Variants in PPP1R12B observed in about 807,000 individuals in gnomAD.
The protein encoded by PPP1R12B is protein phosphatase 1 regulatory subunit 12B.
PPP1R12B carries 76 observed loss-of-function variants against 126.1 expected under a neutral mutation model. That is an observed-to-expected ratio of 0.60 (90% CI 0.50 to 0.73). The LOEUF (loss-of-function observed/expected upper bound fraction) is 0.73, where lower values mean the gene tolerates loss of function less well. PPP1R12B is among the 30% of genes least tolerant of loss of function. The pLI is 0.00. For synonymous variants in PPP1R12B, 356 were observed against 434.7 expected, an observed-to-expected ratio of 0.82 and a Z score of 2.25; for missense variants, 1,052 against 1,205.1, an observed-to-expected ratio of 0.87 and a Z score of 1.88.
At chr1:202,440,545 T>G (rs1270466192) in intron 10 of PPP1R12B, among the ~76,000 whole-genome samples, 161 bp from the exon 11 acceptor site, 4 of 152,232 alleles carry the variant, frequency 2.6e-5, no homozygotes, top group African/African-American at 9.6e-5. Flanking sequence ...GGAATAAGCT[T>G]TTGAAAGCTA....
chr1:202,435,563 C>T (rs895895008), intron 9 of PPP1R12B, among the ~76,000 whole-genome samples: 9 of 152,202 alleles, frequency 5.9e-5, no homozygotes, highest in Non-Finnish European at 1.3e-4. Context: ...AGAGGCCCCT[C>T]CTTCTGTAAC....
intron 1 of PPP1R12B, among the ~76,000 whole-genome samples, chr1:202,410,499 A>G (rs1667247093): frequency 6.6e-6 from 1 of 152,224 alleles, no homozygotes; most frequent in Non-Finnish European, 1.5e-5. Context: ...GAAAGCTGGC[A>G]CTTGCTGGTG....
intron 15 of PPP1R12B, among the ~76,000 whole-genome samples, chr1:202,494,466 G>T (rs1364833871): frequency 6.6e-6 from 1 of 151,524 alleles, no homozygotes; most frequent in African/African-American, 2.4e-5. Context: ...TCACAAAAAT[G>T]TGTACAATCT....
Position 202,562,843 on chromosome 1 carries a change from C to T in PPP1R12B, c.2573C>T (p.Ala858Val). The T allele has an allele frequency of 6.2e-7, 1 of 1,613,434 alleles. No homozygotes were observed. Among genetic ancestry groups the T allele is most frequent in the Non-Finnish European group, 8.5e-7 (1 of 1,179,722 alleles). ...TACGGTGACCGGGCTTCAGCAAGAGCCCGTCGGGAGGCCCGGGAGGCCCGC... is the reference window on the plus strand; with the variant it reads ...TACGGTGACCGGGCTTCAGCAAGAGTCCGTCGGGAGGCCCGGGAGGCCCGC... ...DSYGDRASAR[A>V]RREAREARLA... The change falls in exon 20 of 24, where the codon GCC becomes GTC. Residue 858 changes from alanine to valine, a missense_variant. Physicochemically the swap from Ala to Val is moderately conservative, Grantham distance 64. Transcript: ENST00000608999.
At position 202,478,616 on chromosome 1, in the gene PPP1R12B, TA is replaced by T. The variant is rs1221715973; in HGVS notation, c.1851-9911del. Among the ~76,000 whole-genome samples the T allele has an allele frequency of 2.0e-5, 3 of 152,120 alleles. No homozygotes were observed. The South Asian group carries it at 6.2e-4, about 31-fold the overall frequency. Reference sequence around the variant, plus strand: ...ATAGTTTTTATAGTTTTATAGTTTATAAAAAACTATATATAGTTTGTATAGT... The same window carrying T: ...ATAGTTTTTATAGTTTTATAGTTTATAAAAACTATATATAGTTTGTATAGT... On this transcript the variant is annotated intron_variant, in intron 13 of 23. Transcript: ENST00000608999.
At chr1:202,494,105 A>G (rs1415315233) in intron 15 of PPP1R12B, among the ~76,000 whole-genome samples, 1 of 152,174 alleles carries the variant, frequency 6.6e-6, no homozygotes, top group Non-Finnish European at 1.5e-5. Flanking sequence ...GGACTGATAA[A>G]TGTTATGGTC....
intron 18 of PPP1R12B, among the ~76,000 whole-genome samples, chr1:202,509,875 C>A (rs2148891242): frequency 6.6e-6 from 1 of 152,192 alleles, no homozygotes; most frequent in South Asian, 2.1e-4. Context: ...AAGCTGAAAT[C>A]CTGATTCTTC....
At chr1:202,393,567 A>T (rs1354463820) in intron 1 of PPP1R12B, among the ~76,000 whole-genome samples, 1 of 152,212 alleles carries the variant, frequency 6.6e-6, no homozygotes, top group Non-Finnish European at 1.5e-5. Flanking sequence ...GGCAGAATTT[A>T]TAAAAATATA....
chr1:202,520,247 T>C (rs566174426), intron 18 of PPP1R12B, among the ~76,000 whole-genome samples: 1 of 152,340 alleles, frequency 6.6e-6, no homozygotes, highest in East Asian at 1.9e-4. Flanking sequence ...AGGGCCTGGC[T>C]TAGCCTAAGC....
intron 18 of PPP1R12B, among the ~76,000 whole-genome samples, chr1:202,547,213 C>A (rs1166160458): frequency 6.6e-6 from 1 of 152,162 alleles, no homozygotes; most frequent in Non-Finnish European, 1.5e-5. Context: ...TTTTTAATTT[C>A]TTTTCTTAAT....
At chr1:202,476,986 AT>A (rs1361571295) in intron 13 of PPP1R12B, among the ~76,000 whole-genome samples, 1 of 152,160 alleles carries the variant, frequency 6.6e-6, no homozygotes, top group African/African-American at 2.4e-5. Flanking sequence ...AGGTAACCCT[AT>A]GAACCTTCAT....
At chr1:202,439,400 G>C in intron 10 of PPP1R12B, 2 of 1,240,154 alleles carry the variant, frequency 1.6e-6, no homozygotes, top group Non-Finnish European at 2.4e-6. Context: ...CGGCACAGCG[G>C]AGCACGGAGA....
At chr1:202,459,238 CTTTTTA>C (rs1326562406) in intron 13 of PPP1R12B, among the ~76,000 whole-genome samples, 5 of 152,110 alleles carry the variant, frequency 3.3e-5, no homozygotes, top group African/African-American at 4.8e-5. Context: ...ATTATGGATA[CTTTTTA>C]TTTTTATTTT....
chr1:202,525,642 G>T (rs1385381097), intron 18 of PPP1R12B, among the ~76,000 whole-genome samples: 3 of 148,948 alleles, frequency 2.0e-5, no homozygotes, highest in Admixed American at 2.0e-4. Context: ...AAGTTTTTCA[G>T]GAAGGGGGGT....
chr1:202,546,566 T>G (rs1315430607), intron 18 of PPP1R12B, among the ~76,000 whole-genome samples: 1 of 151,886 alleles, frequency 6.6e-6, no homozygotes, highest in African/African-American at 2.4e-5. Context: ...ATTGCACCAC[T>G]GCACTCCAGC....
intron 1 of PPP1R12B, among the ~76,000 whole-genome samples, chr1:202,388,119 CA>C (rs112103028): frequency 0.017 from 1,766 of 104,128 alleles, 27 homozygotes; most frequent in African/African-American, 0.049. Context: ...ATAGAAGCAG[CA>C]AAAAAAAAAA....
chr1:202,385,264 A>G (rs1662939318), intron 1 of PPP1R12B, among the ~76,000 whole-genome samples: 1 of 152,194 alleles, frequency 6.6e-6, no homozygotes, highest in Non-Finnish European at 1.5e-5. Flanking sequence ...TTCAGTTTGC[A>G]TATTATTTAG....
intron 9 of PPP1R12B, among the ~76,000 whole-genome samples, chr1:202,435,467 A>G (rs780756038): frequency 2.6e-5 from 4 of 152,046 alleles, no homozygotes; most frequent in Non-Finnish European, 5.9e-5. Context: ...TCCTTTTTCT[A>G]TTTCTCCTTT....
chr1:202,418,424 C>G (rs1410967457), intron 2 of PPP1R12B, among the ~76,000 whole-genome samples: 1 of 151,492 alleles, frequency 6.6e-6, no homozygotes, highest in Non-Finnish European at 1.5e-5. Context: ...CTTGTGCTGG[C>G]ATTATCCTCC....
Sources: gnomAD v4.1 joint callset for allele counts (sites outside exome capture counted in the v4.1 genomes callset) on GRCh38, gnomAD v4.1.1 for gene constraint, MANE v1.5 for transcripts, NCBI Gene and HGNC (gene_info 2026-07-23, HGNC 2026-07-21) for gene names.